Variants in ZNF565 observed in about 807,000 individuals in gnomAD.
ZNF565 encodes the protein zinc finger protein 565.
ZNF565 carries 27 observed loss-of-function variants against 39.4 expected under a neutral mutation model. The ratio of observed to expected loss-of-function variants is 0.69; its 90% CI spans 0.51 to 0.95. ZNF565 has a LOEUF of 0.95. Ranked by LOEUF, ZNF565 falls within the 40% of genes least tolerant of loss-of-function variation. The pLI, the probability that ZNF565 is intolerant of heterozygous loss-of-function variation, is 0.00. For synonymous variants in ZNF565, 185 were observed against 216.6 expected (o/e 0.85, Z 1.28); for missense variants, 524 against 621.1 (o/e 0.84, Z 1.66).
At chr19:36,194,139 A>T in intron 4 of ZNF565, 94 bp downstream of exon 4, 1 of 975,448 alleles carries the variant, frequency 1.0e-6, no homozygotes, top group Non-Finnish European at 1.5e-6. Context: ...CTTCCACAGT[A>T]GGGCTTTGAG....
intron 4 of ZNF565, among the ~76,000 whole-genome samples, chr19:36,185,119 GAAAA>G (rs1014153562): frequency 7.6e-6 from 1 of 132,194 alleles, no homozygotes; most frequent in East Asian, 2.2e-4. Flanking sequence ...GTCCATCTCA[GAAAA>G]AAAAAAAAGG....
chr19:36,222,486 C>T (rs946135843), intron 1 of ZNF565, among the ~76,000 whole-genome samples: 1 of 152,222 alleles, frequency 6.6e-6, no homozygotes, highest in Non-Finnish European at 1.5e-5. Flanking sequence ...TAAGTACTTA[C>T]ACTCCCACAA....
rs1975146578 is a variant in ZNF565, at chr19:36,183,133, G to C, written c.833C>G (p.Pro278Arg). Residue 278 changes from proline to arginine, a missense_variant, in exon 5 of 5, where the codon CCC becomes CGC. Pro to Arg is a moderately radical substitution (Grantham distance 103). Transcript: ENST00000304116. ...CTTGCCACAGTCTTTACATACGTAG[G>C]GTTTCTCGCCTGTGTGAGTTCTTTG... ...LHQRTHTGEKPYVCKDCGKAF... is the reference protein window; with the variant it reads ...LHQRTHTGEKRYVCKDCGKAF... 6.2e-7 allele frequency: 1 copy of C among 1,614,030 alleles called. No individual in the cohort carries two copies. Among genetic ancestry groups the C allele is most frequent in the Non-Finnish European group, 8.5e-7 (1 of 1,180,036 alleles).
intron 2 of ZNF565, among the ~76,000 whole-genome samples, chr19:36,195,969 C>T (rs1291364990): frequency 1.3e-5 from 2 of 149,294 alleles, no homozygotes; most frequent in African/African-American, 5.0e-5. Context: ...CAGAGTCTCG[C>T]TCTGTCACCC....
At chr19:36,212,422 G>A (rs1976393380) in intron 1 of ZNF565, among the ~76,000 whole-genome samples, 1 of 152,062 alleles carries the variant, frequency 6.6e-6, no homozygotes, top group South Asian at 2.1e-4. Flanking sequence ...GACCAGTCTG[G>A]CCAACATGGT....
chr19:36,187,477 T>C (rs1414160221), intron 4 of ZNF565, among the ~76,000 whole-genome samples: 1 of 150,870 alleles, frequency 6.6e-6, no homozygotes, highest in Non-Finnish European at 1.5e-5. Flanking sequence ...TTCTCCTGCC[T>C]CAGCTTCCCG....
At chr19:36,196,275 T>C (rs1181625454) in intron 2 of ZNF565, among the ~76,000 whole-genome samples, 3 of 151,972 alleles carry the variant, frequency 2.0e-5, no homozygotes, top group Non-Finnish European at 4.4e-5. Flanking sequence ...AGAATCTCAC[T>C]ATGTTACCCA....
intron 3 of ZNF565, chr19:36,194,734 GC>G: frequency 1.9e-6 from 1 of 526,634 alleles, no homozygotes; most frequent in South Asian, 2.0e-5. Context: ...CATTACCCAT[GC>G]CCTATGGCTT....
intron 2 of ZNF565, among the ~76,000 whole-genome samples, chr19:36,200,062 A>G (rs763214192): frequency 1.3e-4 from 19 of 151,892 alleles, no homozygotes; most frequent in Non-Finnish European, 1.3e-4. Context: ...GTCTCATTCT[A>G]TCAGCCAGTC....
intron 1 of ZNF565, among the ~76,000 whole-genome samples, chr19:36,208,222 T>TTTTTTTG (rs59296738): frequency 8.1e-6 from 1 of 122,946 alleles, no homozygotes; most frequent in African/African-American, 3.0e-5. Flanking sequence ...TTTTTTTTTT[T>TTTTTTTG]GGCAGGGCAG....
intron 2 of ZNF565, among the ~76,000 whole-genome samples, chr19:36,199,108 A>T (rs1316529372): frequency 6.6e-6 from 1 of 152,190 alleles, no homozygotes; most frequent in Non-Finnish European, 1.5e-5. Context: ...AGATGTGTAA[A>T]ATCTTCAGGG....
chr19:36,239,455 TGGGA>T (rs1977759612), intron 1 of ZNF565, among the ~76,000 whole-genome samples: 1 of 151,606 alleles, frequency 6.6e-6, no homozygotes, highest in Admixed American at 6.6e-5. Context: ...CCCAAGTAGC[TGGGA>T]CTACAGGCAC....
intron 1 of ZNF565, among the ~76,000 whole-genome samples, chr19:36,238,987 A>G (rs891322676): frequency 6.6e-6 from 1 of 152,172 alleles, no homozygotes; most frequent in African/African-American, 2.4e-5. Context: ...TCTTATGAGA[A>G]TGTAACGCCT....
intron 1 of ZNF565, chr19:36,237,854 C>T (rs993267309): frequency 6.6e-5 from 11 of 166,994 alleles, no homozygotes; most frequent in Admixed American, 3.3e-4. Context: ...GTAGTTTGTT[C>T]TCCAAGGGGG....
intron 1 of ZNF565, among the ~76,000 whole-genome samples, chr19:36,202,803 C>A (rs1048256466): frequency 1.2e-4 from 18 of 152,178 alleles, no homozygotes; most frequent in Non-Finnish European, 2.5e-4. Context: ...ACTGGCTCCA[C>A]TTCCTCCTTC....
intron 1 of ZNF565, among the ~76,000 whole-genome samples, chr19:36,227,234 C>A (rs766318047): frequency 7.0e-6 from 1 of 142,098 alleles, no homozygotes; most frequent in Non-Finnish European, 1.5e-5. Context: ...ACTAAAATTA[C>A]AAAAATTAGC....
chr19:36,207,569 C>T (rs1453679007), intron 1 of ZNF565, among the ~76,000 whole-genome samples: 1 of 151,112 alleles, frequency 6.6e-6, no homozygotes, highest in East Asian at 1.9e-4. Context: ...AACAAACAAA[C>T]AACAAAACAA....
Position 36,183,342 on chromosome 19 carries a change from T to G in ZNF565, c.624A>C (p.Ser208=). 1 of 1,614,174 alleles carries G rather than the reference T, an allele frequency of 6.2e-7. No homozygotes were observed. The highest frequency in any genetic ancestry group is 8.5e-7 in the Non-Finnish European group (1 of 1,180,020). ...GAATTCTCTGATGCTGAACAAGGTG[T>G]GAGGCACGGCTGAAGGCCTTCCCAC... ...KECGKAFSRA[S]HLVQHQRIHT... Residue 208 remains serine (S), a synonymous_variant, in exon 5 of 5, where the codon TCA becomes TCC. Coordinates refer to ENST00000304116, the MANE Select transcript of ZNF565 (RefSeq NM_152477.5).
chr19:36,199,786 G>A (rs1018028359), intron 2 of ZNF565, among the ~76,000 whole-genome samples: 5 of 151,854 alleles, frequency 3.3e-5, no homozygotes, highest in Admixed American at 1.3e-4. Context: ...AAAGTGCTGG[G>A]ATTACAGGTG....
Sources: gnomAD v4.1 joint callset for allele counts (sites outside exome capture counted in the v4.1 genomes callset) on GRCh38, gnomAD v4.1.1 for gene constraint, MANE v1.5 for transcripts, NCBI Gene and HGNC (gene_info 2026-07-23, HGNC 2026-07-21) for gene names.